GRM7: variants seen among roughly 807,000 people sequenced by gnomAD.
GRM7 encodes metabotropic glutamate receptor 7.
Under a neutral mutation model 84.5 loss-of-function variants are expected in GRM7, and 35 were observed. The observed-to-expected ratio is 0.41, with a 90% CI of 0.32 to 0.55. The LOEUF (loss-of-function observed/expected upper bound fraction) is 0.55. GRM7 is among the 20% of genes least tolerant of loss of function. GRM7 has a pLI of 0.19. For synonymous variants in GRM7, 487 were observed against 455.1 expected, an observed-to-expected ratio of 1.07 and a Z score of -0.89; for missense variants, 1,003 against 1,194.6, an observed-to-expected ratio of 0.84 and a Z score of 2.36.
intron 9 of GRM7, among the ~76,000 whole-genome samples, chr3:7,709,146 T>A (rs1701496781): frequency 6.6e-6 from 1 of 152,176 alleles, no homozygotes; most frequent in Admixed American, 6.5e-5. Context: ...AAGCGGTCCC[T>A]AAGTATTAGA....
At chr3:7,709,362 T>C (rs1701502495) in intron 9 of GRM7, among the ~76,000 whole-genome samples, 1 of 152,190 alleles carries the variant, frequency 6.6e-6, no homozygotes, top group South Asian at 2.1e-4. Context: ...TGGGTCAATA[T>C]ATTCTACACA....
At chr3:6,903,808 G>C (rs899793499) in intron 1 of GRM7, among the ~76,000 whole-genome samples, 1 of 152,004 alleles carries the variant, frequency 6.6e-6, no homozygotes, top group Non-Finnish European at 1.5e-5. Context: ...TTTAACTCTT[G>C]GAAATCTGGC....
chr3:7,719,540 C>T (rs929698426), intron 9 of GRM7, among the ~76,000 whole-genome samples: 5 of 151,996 alleles, frequency 3.3e-5, no homozygotes, highest in East Asian at 1.9e-4. Flanking sequence ...CAGCTGGGCG[C>T]GGTGGCTCAT....
intron 1 of GRM7, among the ~76,000 whole-genome samples, chr3:7,145,239 T>A (rs1412892148): frequency 6.6e-6 from 1 of 152,078 alleles, no homozygotes; most frequent in East Asian, 1.9e-4. Flanking sequence ...AGAAACCTTT[T>A]GTGATAAAGC....
At chr3:7,103,764 T>C (rs1210084509) in intron 1 of GRM7, among the ~76,000 whole-genome samples, 7 of 104,160 alleles carry the variant, frequency 6.7e-5, no homozygotes, top group South Asian at 3.1e-4. Context: ...CTTTCTTTCT[T>C]TCTTTCTTTC....
At chr3:7,580,085 C>A (rs1046994937) in intron 8 of GRM7, among the ~76,000 whole-genome samples, 4 of 152,228 alleles carry the variant, frequency 2.6e-5, no homozygotes, top group African/African-American at 9.6e-5. Flanking sequence ...AGTTCACATG[C>A]ACCTTCCAGG....
At chr3:7,384,122 G>C (rs772792945) in intron 4 of GRM7, among the ~76,000 whole-genome samples, 2 of 152,104 alleles carry the variant, frequency 1.3e-5, no homozygotes, top group African/African-American at 2.4e-5. Flanking sequence ...TCCACCTCCC[G>C]GGTTCAAGCG....
intron 1 of GRM7, among the ~76,000 whole-genome samples, chr3:6,993,256 C>T (rs1246996003): frequency 6.6e-6 from 1 of 152,142 alleles, no homozygotes; most frequent in Non-Finnish European, 1.5e-5. Context: ...GGTCCCTCCA[C>T]AACATGTGGG....
chr3:7,029,340 A>C (rs75027135), intron 1 of GRM7, among the ~76,000 whole-genome samples: 1 of 151,916 alleles, frequency 6.6e-6, no homozygotes, highest in Admixed American at 6.6e-5. Flanking sequence ...AACAAAAAAA[A>C]CATGAATAAG....
intron 4 of GRM7, among the ~76,000 whole-genome samples, chr3:7,357,248 AT>A (rs556488111): frequency 6.6e-6 from 1 of 151,500 alleles, no homozygotes; most frequent in Non-Finnish European, 1.5e-5. Flanking sequence ...ACAAAAAAGT[AT>A]TTTTTTTGCT....
At chr3:7,327,865 C>T (rs1397649718) in intron 4 of GRM7, among the ~76,000 whole-genome samples, 1 of 152,212 alleles carries the variant, frequency 6.6e-6, no homozygotes, top group Non-Finnish European at 1.5e-5. Flanking sequence ...TATTGAACAT[C>T]TGCGTTGAGC....
At chr3:6,987,932 A>T (rs900139082) in intron 1 of GRM7, among the ~76,000 whole-genome samples, 5 of 150,444 alleles carry the variant, frequency 3.3e-5, no homozygotes, top group African/African-American at 1.2e-4. Flanking sequence ...ATGGAGCTAG[A>T]CTCTCTGCAT....
intron 2 of GRM7, among the ~76,000 whole-genome samples, chr3:7,157,528 T>C (rs1186033845): frequency 6.6e-6 from 1 of 151,998 alleles, no homozygotes; most frequent in Non-Finnish European, 1.5e-5. Context: ...TCTAACTAGA[T>C]CCTCAAAAGA....
chr3:7,684,103 G>T (rs1458076779), intron 9 of GRM7, among the ~76,000 whole-genome samples: 1 of 152,160 alleles, frequency 6.6e-6, no homozygotes, highest in Non-Finnish European at 1.5e-5. Flanking sequence ...GGAAAAGAAC[G>T]ATAGTGAAAA....
chr3:7,255,537 T>C (rs1575087086), intron 2 of GRM7, among the ~76,000 whole-genome samples: 1 of 152,350 alleles, frequency 6.6e-6, no homozygotes, highest in East Asian at 1.9e-4. Flanking sequence ...TTTAATTATA[T>C]GCTTTGGCAA....
At chr3:6,964,476 T>C (rs887388162) in intron 1 of GRM7, among the ~76,000 whole-genome samples, 2 of 152,162 alleles carry the variant, frequency 1.3e-5, no homozygotes, top group African/African-American at 4.8e-5. Flanking sequence ...TTCAAACTTC[T>C]TGCCCCCCAT....
In GRM7 at chr3:7,314,524, T is replaced by G. The variant is rs1700514638; in HGVS notation, c.1033+7872T>G. ...CAGAGATCTTTGCTAACGTATGAAT[T>G]TACACTCTAGCAGAAGTAGACAGAT... On this transcript the variant is annotated intron_variant, in intron 4 of 9. Coordinates refer to ENST00000357716, the MANE Select transcript of GRM7 (RefSeq NM_000844.4). 2.0e-5 allele frequency among the ~76,000 whole-genome samples: 3 copies of G among 152,274 alleles called. No individual in the cohort carries two copies. In the South Asian group the frequency reaches 6.2e-4, roughly 32 times the overall value.
chr3:7,453,360 C>A lies in GRM7; in HGVS notation c.1375+553C>A, dbSNP rs142237036. Among the ~76,000 whole-genome samples the A allele has an allele frequency of 7.1e-4, 108 of 152,172 alleles. 1 individual carries two copies. The highest frequency in any genetic ancestry group is 2.4e-3 in the African/African-American group (101 of 41,522). On this transcript the variant is annotated intron_variant, in intron 6 of 9. Coordinates refer to ENST00000357716, the MANE Select transcript of GRM7 (RefSeq NM_000844.4). The stretch of plus-strand genomic sequence containing the variant: ...TGGAGGCTTAGTTCCCAAGACTCTT[C>A]CCCTTGCCACTTGCAATGACAGTGG...
rs536586351 is a variant in GRM7, at chr3:7,165,183, G to A, written c.736+18515G>A. On this transcript the variant is annotated intron_variant, in intron 2 of 9. Coordinates refer to ENST00000357716, the MANE Select transcript of GRM7 (RefSeq NM_000844.4). ...ACTCTTCCTAACTTCCTCACCATCC[G>A]CAACTCTGTTTCTGGTTAACCACCC... Among the ~76,000 whole-genome samples, 33 of 152,188 alleles carry A rather than the reference G, an allele frequency of 2.2e-4. No individual in the cohort carries two copies. In the South Asian group the frequency reaches 3.9e-3, roughly 18 times the overall value.
Sources: allele counts gnomAD v4.1 joint callset (sites outside exome capture counted in the v4.1 genomes callset), GRCh38; gene constraint gnomAD v4.1.1; transcripts MANE v1.5; gene names NCBI Gene and HGNC (gene_info 2026-07-23, HGNC 2026-07-21).